The following CFAP47 variants were observed in gnomAD, a reference collection of about 807,000 sequenced individuals.
CFAP47 encodes cilia and flagella associated protein 47.
CFAP47 carries 29 observed loss-of-function variants against 148.1 expected under a neutral mutation model. The ratio of observed to expected loss-of-function variants is 0.20; its 90% confidence interval spans 0.15 to 0.27. The LOEUF (loss-of-function observed/expected upper bound fraction) is 0.27, where lower values mean the gene tolerates loss of function less well. CFAP47 is among the 10% of genes least tolerant of loss of function. The probability of loss-of-function intolerance (pLI) is 1.00; values close to 1 mark genes in which losing one functional copy is unlikely to be tolerated. For synonymous variants in CFAP47, 664 were observed against 577.3 expected, an observed-to-expected ratio of 1.15 and a Z score of -2.15; for missense variants, 1,872 against 1,697.5, an observed-to-expected ratio of 1.10 and a Z score of -1.81.
rs145706999 is a variant in CFAP47, at chrX:36,223,094, T to C, written c.6818-5534T>C. ...TTACTTGTGTTCCTGCCATGTAAGA[T>C]GCCTGCTCCTGCTTTGTCTTCTGCC... On this transcript the variant is annotated intron_variant, in intron 45 of 63. Transcript: ENST00000378653. Among the ~76,000 whole-genome samples, 25 of 111,462 alleles carry C rather than the reference T, an allele frequency of 2.2e-4. No individual in the cohort carries two copies. The East Asian group carries it at 6.8e-3, about 30-fold the overall frequency.
At chrX:36,251,616 A>C (rs947749522) in intron 49 of CFAP47, among the ~76,000 whole-genome samples, 172 bp downstream of exon 49, 1 of 111,707 alleles carries the variant, frequency 9.0e-6, no homozygotes, top group African/African-American at 3.2e-5. Context: ...GCTTTGATGC[A>C]TACATTTTAT....
At chrX:36,018,856 G>A (rs1937126647) in intron 22 of CFAP47, among the ~76,000 whole-genome samples, 2 of 108,960 alleles carry the variant, frequency 1.8e-5, no homozygotes, top group Admixed American at 9.8e-5. Context: ...GAGGAATACT[G>A]GCCTCATAGA....
At chrX:36,374,261 A>G (rs953706114) in intron 62 of CFAP47, among the ~76,000 whole-genome samples, 2 of 110,896 alleles carry the variant, frequency 1.8e-5, no homozygotes, top group African/African-American at 3.3e-5. Context: ...TTATTAGTTC[A>G]ATCTTGGTAG....
At chrX:36,183,970 A>T (rs1939778952) in intron 40 of CFAP47, among the ~76,000 whole-genome samples, 1 of 110,827 alleles carries the variant, frequency 9.0e-6, no homozygotes, top group South Asian at 3.8e-4. Flanking sequence ...ACATATTCTT[A>T]TTAAGTGGCA....
chrX:35,991,540 T>C (rs1332124964), intron 16 of CFAP47, among the ~76,000 whole-genome samples: 1 of 110,511 alleles, frequency 9.0e-6, no homozygotes, highest in Middle Eastern at 4.4e-3. Flanking sequence ...AACTAGATTA[T>C]CACAGATTTA....
chrX:36,014,482 AT>A (rs1245214378), intron 21 of CFAP47, among the ~76,000 whole-genome samples: 3 of 110,563 alleles, frequency 2.7e-5, no homozygotes, highest in Non-Finnish European at 3.8e-5. Context: ...GATTACAAGG[AT>A]TTTTTTTCCT....
At chrX:36,054,059 A>G (rs1369819635) in intron 26 of CFAP47, among the ~76,000 whole-genome samples, 1 of 112,289 alleles carries the variant, frequency 8.9e-6, no homozygotes, top group Admixed American at 9.4e-5. Flanking sequence ...AGGAAATTCC[A>G]ATGTCTTGTC....
chrX:36,176,676 C>T (rs961602334), intron 39 of CFAP47, among the ~76,000 whole-genome samples: 16 of 112,014 alleles, frequency 1.4e-4, no homozygotes, highest in African/African-American at 4.2e-4. Flanking sequence ...GAGGCCAAGG[C>T]GGAGGGATCA....
chrX:36,059,401 T>C (rs1403901041), intron 26 of CFAP47, among the ~76,000 whole-genome samples: 5 of 111,908 alleles, frequency 4.5e-5, no homozygotes, highest in Non-Finnish European at 7.5e-5. Context: ...TATTAACCCA[T>C]ATAGGGTATG....
At chrX:36,025,501 T>C (rs1442358775) in intron 22 of CFAP47, among the ~76,000 whole-genome samples, 2 of 109,594 alleles carry the variant, frequency 1.8e-5, no homozygotes, top group African/African-American at 6.7e-5. Context: ...AGTAGTTGAA[T>C]GTGGTGACGC....
At chrX:36,375,372 C>T (rs1390278909) in intron 62 of CFAP47, among the ~76,000 whole-genome samples, 2 of 111,727 alleles carry the variant, frequency 1.8e-5, no homozygotes, top group African/African-American at 3.3e-5. Flanking sequence ...AGTTTCATAC[C>T]GCTGTGGTCA....
intron 8 of CFAP47, among the ~76,000 whole-genome samples, chrX:35,956,622 T>G (rs376270871): frequency 2.7e-5 from 3 of 111,588 alleles, no homozygotes; most frequent in South Asian, 7.6e-4. Context: ...TTGAGTAGAA[T>G]TTTGAAGTTT....
At chrX:36,208,393 A>G (rs1447790970) in intron 45 of CFAP47, among the ~76,000 whole-genome samples, 1 of 110,729 alleles carries the variant, frequency 9.0e-6, no homozygotes, top group Non-Finnish European at 1.9e-5. Flanking sequence ...AAATCCACTC[A>G]TACTCAAGTC....
intron 50 of CFAP47, among the ~76,000 whole-genome samples, chrX:36,285,232 T>C (rs1556004329): frequency 9.0e-6 from 1 of 111,725 alleles, no homozygotes; most frequent in Non-Finnish European, 1.9e-5. Flanking sequence ...TGTAGCATTG[T>C]AAATTGTAAT....
chrX:36,055,506 C>T (rs1937548098), intron 26 of CFAP47, among the ~76,000 whole-genome samples: 2 of 112,011 alleles, frequency 1.8e-5, no homozygotes, highest in Admixed American at 1.9e-4. Context: ...TGATCTCCTT[C>T]CTTTTTGTGG....
At position 35,975,794 on chromosome X, in the gene CFAP47, T is replaced by C. The variant is rs1228191161; in HGVS notation, c.2594T>C (p.Met865Thr). The C allele has an allele frequency of 8.3e-7, 1 of 1,211,208 alleles. No individual in the cohort carries two copies. The highest frequency in any genetic ancestry group is 1.1e-6 in the Non-Finnish European group (1 of 895,120). The change falls in exon 15 of 64, where the codon ATG (methionine) becomes ACG (threonine). Residue 865 changes from methionine to threonine, a missense_variant. Met to Thr is a moderately conservative substitution (Grantham distance 81, BLOSUM62 -1). Transcript: ENST00000378653. ...ELVLRPRGFF[M>T]KTCFRGTVRL... ...GTATTGAGACCACGAGGCTTCTTCA[T>C]GAAAACATGTTTTCGGGGGACAGTT...
intron 33 of CFAP47, among the ~76,000 whole-genome samples, chrX:36,109,947 T>A (rs1938528886): frequency 8.9e-6 from 1 of 112,041 alleles, no homozygotes; most frequent in Admixed American, 9.4e-5. Flanking sequence ...TACTTTTTAA[T>A]GGGTTGTTTC....
intron 35 of CFAP47, chrX:36,144,815 G>C: frequency 9.8e-7 from 1 of 1,023,919 alleles, no homozygotes; most frequent in Non-Finnish European, 1.3e-6. Context: ...TCTGATTCCA[G>C]GTTTTTCAGC....
At chrX:36,275,755 G>GA (rs1170867046) in intron 49 of CFAP47, among the ~76,000 whole-genome samples, 1 of 110,693 alleles carries the variant, frequency 9.0e-6, no homozygotes, top group Non-Finnish European at 1.9e-5. Context: ...GGAGGTGTTT[G>GA]AGAAAGATTG....
Sources: allele counts gnomAD v4.1 joint callset (sites outside exome capture counted in the v4.1 genomes callset), GRCh38; gene constraint gnomAD v4.1.1; transcripts MANE v1.5; gene names NCBI Gene and HGNC (gene_info 2026-07-23, HGNC 2026-07-21).